PCDHGB4: variants seen among roughly 807,000 people sequenced by gnomAD.
The protein encoded by PCDHGB4 is protocadherin gamma subfamily B, 4.
Under a neutral mutation model 60.5 loss-of-function variants are expected in PCDHGB4, and 38 were observed. That is an observed-to-expected ratio of 0.63 (90% CI 0.48 to 0.82). The LOEUF is 0.82. PCDHGB4 is among the 40% of genes least tolerant of loss of function. The probability of loss-of-function intolerance (pLI) is 0.00; values close to 1 mark genes in which losing one functional copy is unlikely to be tolerated. For missense variants in PCDHGB4, 1,109 were observed against 1,209.6 expected (o/e 0.92, Z 1.23); for synonymous variants, 456 against 509.7 (o/e 0.89, Z 1.42).
At chr5:141,501,583 T>C (rs1270487304) in intron 2 of PCDHGB4, among the ~76,000 whole-genome samples, 1 of 152,054 alleles carries the variant, frequency 6.6e-6, no homozygotes, top group Non-Finnish European at 1.5e-5. Context: ...GGCTTTCAGG[T>C]TGCAACTCTA....
At chr5:141,450,006 CTTTTTTT>C (rs1554136305) in intron 1 of PCDHGB4, among the ~76,000 whole-genome samples, 12 of 132,986 alleles carry the variant, frequency 9.0e-5, no homozygotes, top group Non-Finnish European at 1.7e-4. Context: ...TGCCATGTCT[CTTTTTTT>C]TTTTTTTTTT....
In PCDHGB4 at chr5:141,413,182, G is replaced by C. The variant is rs752788034; in HGVS notation, c.2397+22901G>C. On this transcript the variant is annotated intron_variant, in intron 1 of 3. Transcript: ENST00000519479. ...ATTCTGTAACCAGACTACAATGGCCGCTCAAAGGAATCGCTCAAAGGAATC... is the reference window on the plus strand; with the variant it reads ...ATTCTGTAACCAGACTACAATGGCCCCTCAAAGGAATCGCTCAAAGGAATC... 3.1e-6 allele frequency: 5 copies of C among 1,604,164 alleles called. No homozygotes were observed. In the South Asian group the frequency reaches 5.5e-5, roughly 18 times the overall value.
At chr5:141,449,726 TTTTTTATGACATGATTA>T (rs2098653732) in intron 1 of PCDHGB4, among the ~76,000 whole-genome samples, 1 of 151,792 alleles carries the variant, frequency 6.6e-6, no homozygotes, top group Admixed American at 6.6e-5. Flanking sequence ...ATGATATGAT[TTTTTTATGACATGATTA>T]TTTTTATGAC....
intron 2 of PCDHGB4, among the ~76,000 whole-genome samples, chr5:141,497,264 A>G (rs2154592078): frequency 6.6e-6 from 1 of 152,258 alleles, no homozygotes; most frequent in East Asian, 1.9e-4. Flanking sequence ...GAGAAGTTCT[A>G]GGCCATTTAT....
At chr5:141,458,651 C>T (rs924873907) in intron 1 of PCDHGB4, among the ~76,000 whole-genome samples, 1 of 152,114 alleles carries the variant, frequency 6.6e-6, no homozygotes. Context: ...CTCACTGCAA[C>T]CTCCACCTCT....
chr5:141,409,808 G>A lies in PCDHGB4; in HGVS notation c.2397+19527G>A, dbSNP rs1445467116. On this transcript the variant is annotated intron_variant, in intron 1 of 3. Coordinates refer to ENST00000519479, the MANE Select transcript of PCDHGB4 (RefSeq NM_003736.4). ...CTTCGCGCTCACGCTGCAGGCCCGC[G>A]ACCACGGCTCGCCCACGCTCAGCGC... 4.3e-6 allele frequency: 7 copies of A among 1,611,624 alleles called. No individual in the cohort carries two copies. In the East Asian group the frequency reaches 1.3e-4, roughly 31 times the overall value.
intron 1 of PCDHGB4, among the ~76,000 whole-genome samples, chr5:141,479,992 G>A (rs1336315766): frequency 6.6e-6 from 1 of 152,204 alleles, no homozygotes; most frequent in Non-Finnish European, 1.5e-5. Context: ...CCAACTAGGA[G>A]TCTGTGGCCA....
intron 1 of PCDHGB4, chr5:141,424,500 G>A (rs2154550788): frequency 6.6e-6 from 1 of 152,208 alleles, no homozygotes; most frequent in African/African-American, 2.4e-5. Flanking sequence ...TGTATGTATG[G>A]AAGGTTTTTT....
At chr5:141,405,226 C>T (rs756970325) in intron 1 of PCDHGB4, 6 of 1,613,934 alleles carry the variant, frequency 3.7e-6, no homozygotes, top group Admixed American at 3.3e-5. Context: ...AGGAGTTCTC[C>T]CTCACCGCTG....
chr5:141,423,230 G>A (rs1223173152), intron 1 of PCDHGB4: 1 of 1,613,872 alleles, frequency 6.2e-7, no homozygotes, highest in East Asian at 2.2e-5. Flanking sequence ...GTGGCCGACA[G>A]CATCCCCGAA....
intron 2 of PCDHGB4, 99 bp downstream of exon 2, chr5:141,494,964 G>A (rs2099757882): frequency 1.3e-6 from 2 of 1,594,380 alleles, no homozygotes; most frequent in Non-Finnish European, 8.5e-7. Context: ...GCTACAGATG[G>A]CTTCTCCCTC....
At chr5:141,427,944 A>C (rs780874108) in intron 1 of PCDHGB4, 63 of 1,586,294 alleles carry the variant, frequency 4.0e-5, no homozygotes, top group Non-Finnish European at 8.6e-6. Context: ...GGGCGACCTC[A>C]ATGACAATGT....
At chr5:141,460,987 A>C (rs201722325) in intron 1 of PCDHGB4, among the ~76,000 whole-genome samples, 1 of 92,990 alleles carries the variant, frequency 1.1e-5, no homozygotes, top group South Asian at 3.4e-4. Context: ...GTGTGTGTAT[A>C]TATATATATG....
At chr5:141,501,290 T>TACACACACAC (rs55762287) in intron 2 of PCDHGB4, among the ~76,000 whole-genome samples, 12 of 136,162 alleles carry the variant, frequency 8.8e-5, no homozygotes, top group Admixed American at 4.7e-4. Context: ...TATTCCCTTA[T>TACACACACAC]ACACACACAC....
At chr5:141,506,306 G>A (rs539365378) in intron 3 of PCDHGB4, among the ~76,000 whole-genome samples, 4 of 152,040 alleles carry the variant, frequency 2.6e-5, no homozygotes, top group Non-Finnish European at 5.9e-5. Flanking sequence ...AAAATTAGCT[G>A]GGCATGGTGG....
intron 1 of PCDHGB4, chr5:141,395,381 A>G (rs562557513): frequency 2.0e-4 from 223 of 1,094,768 alleles, no homozygotes; most frequent in African/African-American, 1.2e-3. Context: ...TGGTGTTACT[A>G]TAAAATTGAA....
intron 1 of PCDHGB4, among the ~76,000 whole-genome samples, chr5:141,472,648 C>G (rs762736307): frequency 1.3e-5 from 2 of 151,864 alleles, no homozygotes; most frequent in African/African-American, 4.8e-5. Flanking sequence ...TGTGTTGAAT[C>G]AGTATATAAA....
chr5:141,423,647 C>T (rs775169904), intron 1 of PCDHGB4: 3 of 1,589,144 alleles, frequency 1.9e-6, no homozygotes, highest in Non-Finnish European at 2.6e-6. Flanking sequence ...AAATGTGACC[C>T]GACAAGTAAT....
Position 141,491,410 on chromosome 5 carries a change from GA to G in PCDHGB4, c.2398-3396del. 1 of 1,614,142 alleles carries G rather than the reference GA, an allele frequency of 6.2e-7. No homozygotes were observed. The highest frequency in any genetic ancestry group is 8.5e-7 in the Non-Finnish European group (1 of 1,180,034). On this transcript the variant is annotated intron_variant, in intron 1 of 3. Coordinates refer to ENST00000519479, the MANE Select transcript of PCDHGB4 (RefSeq NM_003736.4). This position sits in a 1 kb window ranked among gnomAD's most constrained non-coding sequence, Gnocchi z 6.9. ...GTGCCTTCAGGGAAACGCAGACGGG[GA>G]CGGGGGTGGAGGGCAGTGCTGCAGG...
Sources: allele counts gnomAD v4.1 joint callset (sites outside exome capture counted in the v4.1 genomes callset), GRCh38; gene constraint gnomAD v4.1.1; non-coding constraint Gnocchi (gnomAD v3.1); transcripts MANE v1.5; gene names NCBI Gene and HGNC (gene_info 2026-07-23, HGNC 2026-07-21).